The following NPEPL1 variants were observed in gnomAD, a reference collection of about 807,000 sequenced individuals.
NPEPL1 encodes the protein probable aminopeptidase NPEPL1.
Under a neutral mutation model 52.4 loss-of-function variants are expected in NPEPL1, and 45 were observed. That is an observed-to-expected ratio of 0.86 (90% CI 0.68 to 1.10). The LOEUF is 1.10. Among genes scored for constraint, NPEPL1 ranks in the 50% least tolerant of loss-of-function variants. NPEPL1 has a pLI of 0.00. For missense variants in NPEPL1, 696 were observed against 710.9 expected (o/e 0.98, Z 0.24); for synonymous variants, 360 against 314.7 (o/e 1.14, Z -1.52).
At chr20:58,692,792 TGCCGGGCAGGGCCGGGGCGGTGCCGAG>T in exon 1 of NPEPL1, 1 of 968,106 alleles carries the variant, frequency 1.0e-6, no homozygotes, top group Non-Finnish European at 1.2e-6. This position sits in a 1 kb window ranked among gnomAD's most constrained non-coding sequence, Gnocchi z 5.7. Context: ...GCCCGCGGGC[TGCCGGGCAGGGCCGGGGCGGTGCCGAG>T]GCCGGGCCGG....
upstream of NPEPL1, chr20:58,691,697 T>TTTTTTTTTTTTTTTTTTTTTTTTTTG: frequency 5.6e-6 from 1 of 177,766 alleles, no homozygotes; most frequent in Non-Finnish European, 8.9e-6. Context: ...TCTTTTCTTT[T>TTTTTTTTTTTTTTTTTTTTTTTTTTG]TTTTTTTTTT....
chr20:58,692,061 T>C, upstream of NPEPL1: 1 of 575,706 alleles, frequency 1.7e-6, no homozygotes, highest in Non-Finnish European at 3.1e-6. This position sits in a 1 kb window ranked among gnomAD's most constrained non-coding sequence, Gnocchi z 5.7. Context: ...CCTCGTCTCA[T>C]CTCGTCCCTC....
chr20:58,712,111 ACGTGTG>A (rs1452724112), intron 7 of NPEPL1, among the ~76,000 whole-genome samples: 2 of 47,362 alleles, frequency 4.2e-5, no homozygotes, highest in Non-Finnish European at 1.3e-4. Flanking sequence ...CTGTGTGTGT[ACGTGTG>A]TGTGTGTGTG....
At chr20:58,712,644 A>G (rs758421765) in intron 8 of NPEPL1, 65 bp downstream of exon 8, 111 of 1,144,468 alleles carry the variant, frequency 9.7e-5, no homozygotes, top group East Asian at 1.4e-4. Context: ...CCGGCCTGCA[A>G]TGCCAGCTCA....
intron 7 of NPEPL1, 151 bp from the exon 8 acceptor site, chr20:58,712,328 G>A (rs930645708): frequency 8.1e-6 from 5 of 613,542 alleles, no homozygotes; most frequent in Non-Finnish European, 1.2e-5. Flanking sequence ...GACTGTACCC[G>A]GGATGGCAGG....
intron 7 of NPEPL1, among the ~76,000 whole-genome samples, chr20:58,708,433 A>G (rs2084776303): frequency 1.3e-5 from 2 of 151,874 alleles, no homozygotes; most frequent in Non-Finnish European, 2.9e-5. Flanking sequence ...TGTGCTCTGC[A>G]CGGGTTTGGA....
At chr20:58,693,954 C>T (rs2084407456) in intron 2 of NPEPL1, 32 bp downstream of exon 2, 3 of 1,525,122 alleles carry the variant, frequency 2.0e-6, no homozygotes, top group Non-Finnish European at 2.7e-6. Flanking sequence ...AGCCACGGTG[C>T]TCCTAGTCGG....
intron 6 of NPEPL1, chr20:58,703,633 C>G: frequency 4.1e-6 from 4 of 985,332 alleles, no homozygotes; most frequent in Non-Finnish European, 4.8e-6. Flanking sequence ...TTGCTTGTGG[C>G]ACTAACTCTA....
rs2123156032 is a variant in NPEPL1 at position 58,713,921 on chromosome 20, T to C, written c.1130T>C (p.Ile377Thr). 6.8e-7 allele frequency: 1 copy of C among 1,473,122 alleles called. No homozygotes were observed. Among genetic ancestry groups the C allele is most frequent in the East Asian group, 2.7e-5 (1 of 37,564 alleles). 91.3% of individuals were successfully genotyped at this position (1,473,122 alleles called of 1,614,324 possible). A position where few individuals can be genotyped will look rare whatever the true frequency, so the allele number is the denominator to read the frequency against. ...CCCGGGTTCCTGCCCGCCCAGGGCA[T>C]TGCCACAGGGAAGTACCACGCCGCG... ...DMATLTGAQG[I>T]ATGKYHAAVL... is the part of the protein sequence containing the mutation. The change falls in exon 10 of 12, where the codon ATT becomes ACT. Residue 377 changes from isoleucine to threonine, a missense_variant. By Grantham distance (89) the Ile-to-Thr change is moderately conservative (BLOSUM62 -1). Transcript: ENST00000356091. This position sits in a 1 kb window ranked among gnomAD's most constrained non-coding sequence, Gnocchi z 4.6.
At chr20:58,690,811 C>A (rs1269632391), upstream of NPEPL1, among the ~76,000 whole-genome samples, 2 of 152,176 alleles carry the variant, frequency 1.3e-5, no homozygotes, top group Non-Finnish European at 2.9e-5. Flanking sequence ...AATGACCTCT[C>A]CACCAACAGT....
intron 7 of NPEPL1, among the ~76,000 whole-genome samples, chr20:58,712,008 G>A (rs1240285004): frequency 2.0e-5 from 3 of 152,226 alleles, no homozygotes; most frequent in African/African-American, 4.8e-5. Flanking sequence ...CCATCTGTTG[G>A]CCACACATTT....
At chr20:58,690,160 A>G (rs891772308), upstream of NPEPL1, among the ~76,000 whole-genome samples, 1 of 152,238 alleles carries the variant, frequency 6.6e-6, no homozygotes, top group Non-Finnish European at 1.5e-5. Flanking sequence ...GTACCAAAAA[A>G]CATCCTAGTA....
Position 58,715,376 on chromosome 20 carries a change from C to T in NPEPL1, c.*50C>T. ...CGGGGATCTTTTACCTCACTTTGCA[C>T]TGATTAATTTTAAGCAATTGAAAGA... On this transcript the variant is annotated 3_prime_UTR_variant, in exon 12 of 12. Coordinates refer to ENST00000356091, the MANE Select transcript of NPEPL1 (RefSeq NM_024663.4). The T allele has an allele frequency of 1.3e-6, 2 of 1,511,476 alleles. No homozygotes were observed. Among genetic ancestry groups the T allele is most frequent in the Non-Finnish European group, 1.8e-6 (2 of 1,127,526 alleles). 93.6% of individuals were successfully genotyped at this position (1,511,476 alleles called of 1,614,324 possible).
chr20:58,692,167 C>T, upstream of NPEPL1: 1 of 374,844 alleles, frequency 2.7e-6, no homozygotes, highest in East Asian at 4.9e-5. The surrounding 1 kb of genome is among the most constrained non-coding windows in gnomAD (Gnocchi z 5.7). Flanking sequence ...TTGTAACTGG[C>T]CATCCCAGCA....
chr20:58,692,015 A>G, upstream of NPEPL1: 1 of 610,036 alleles, frequency 1.6e-6, no homozygotes, highest in South Asian at 2.0e-5. The surrounding 1 kb of genome is among the most constrained non-coding windows in gnomAD (Gnocchi z 5.7). Context: ...CCTCCCCTGT[A>G]AGGCGACTGA....
intron 7 of NPEPL1, among the ~76,000 whole-genome samples, chr20:58,711,919 A>G (rs1435730061): frequency 1.3e-5 from 2 of 151,986 alleles, no homozygotes; most frequent in Non-Finnish European, 2.9e-5. Context: ...GCTCTACTCC[A>G]TTTGACATTG....
rs960386721 is a variant in NPEPL1, at chr20:58,714,459, C to G, written c.1303-101C>G. ...CCCCACACGCTCCCTCCCAGCCACC[C>G]CGAGCTCCTTGCAGACAGCAATAGT... On this transcript the variant is annotated intron_variant, in intron 10 of 11. Transcript: ENST00000356091. 3.5e-6 allele frequency: 3 copies of G among 854,696 alleles called. No individual in the cohort carries two copies. In the African/African-American group the frequency reaches 5.2e-5, roughly 15 times the overall value. The allele number at this position is 854,696 out of a possible 1,614,324, so 52.9% of individuals were successfully genotyped here.
intron 7 of NPEPL1, among the ~76,000 whole-genome samples, chr20:58,707,492 A>G (rs2084760363): frequency 6.6e-6 from 1 of 152,236 alleles, no homozygotes; most frequent in African/African-American, 2.4e-5. Context: ...AGCCTGGCCT[A>G]GACCCTCATG....
intron 1 of NPEPL1, 47 bp downstream of exon 1, chr20:58,693,097 G>C: frequency 2.0e-6 from 2 of 988,896 alleles, no homozygotes; most frequent in Non-Finnish European, 2.4e-6. Context: ...CGGAAGCCCA[G>C]GCCCGGGCGG....
Sources: gnomAD v4.1 joint callset for allele counts (sites outside exome capture counted in the v4.1 genomes callset) on GRCh38, gnomAD v4.1.1 for gene constraint, Gnocchi (gnomAD v3.1) non-coding constraint, MANE v1.5 for transcripts, NCBI Gene and HGNC (gene_info 2026-07-23, HGNC 2026-07-21) for gene names.